Variants in DNAH3 observed in about 807,000 individuals in gnomAD.
The protein encoded by DNAH3 is axonemal beta dynein heavy chain 3.
A neutral mutation model predicts 432.5 loss-of-function variants in DNAH3; 332 were observed. That is an observed-to-expected ratio of 0.77 (90% CI 0.70 to 0.84). The LOEUF (loss-of-function observed/expected upper bound fraction) is 0.84. DNAH3 is among the 40% of genes least tolerant of loss of function. The probability of loss-of-function intolerance (pLI) is 0.00; values close to 1 mark genes in which losing one functional copy is unlikely to be tolerated. For missense variants in DNAH3, 4,861 were observed against 5,114.0 expected (o/e 0.95, Z 1.51); for synonymous variants, 1,956 against 1,900.2 (o/e 1.03, Z -0.76).
intron 1 of DNAH3, among the ~76,000 whole-genome samples, chr16:21,147,320 A>G (rs895205283): frequency 2.0e-5 from 3 of 151,870 alleles, no homozygotes; most frequent in African/African-American, 4.8e-5. Flanking sequence ...CCCAGGTTCA[A>G]GCAATCCTCC....
rs1315403111 is a variant in DNAH3 at position 20,996,810 on chromosome 16, A to G, written c.6601+473T>C. ...TATATCAGAATAGAAGTACAGATCT[A>G]TAGGACTGGGTGGATCAAGTTGCAC... On this transcript the variant is annotated intron_variant, in intron 44 of 61. Transcript: ENST00000261383. 4 of 157,840 alleles carry G rather than the reference A, an allele frequency of 2.5e-5. No individual in the cohort carries two copies. The East Asian group carries it at 7.2e-4, about 29-fold the overall frequency. The allele number at this position is 157,840 out of a possible 1,614,324, so 9.8% of individuals were successfully genotyped here. A position where few individuals can be genotyped will look rare whatever the true frequency, so the allele number is the denominator to read the frequency against.
chr16:21,001,638 A>G (rs2087024257), intron 42 of DNAH3, among the ~76,000 whole-genome samples: 1 of 152,170 alleles, frequency 6.6e-6, no homozygotes, highest in Non-Finnish European at 1.5e-5. Context: ...GTGCTTAAGT[A>G]TGGGTGTTTT....
At chr16:20,959,435 A>C (rs747031280) in intron 53 of DNAH3, 31 bp from the exon 54 acceptor site, 4 of 1,599,480 alleles carry the variant, frequency 2.5e-6, no homozygotes, top group Non-Finnish European at 3.4e-6. Context: ...GGCTTTTGAA[A>C]GACGACAGGC....
intron 19 of DNAH3, among the ~76,000 whole-genome samples, chr16:21,082,223 C>T (rs947575110): frequency 2.6e-5 from 4 of 151,864 alleles, no homozygotes; most frequent in Non-Finnish European, 4.4e-5. Flanking sequence ...CAGGGTCCTG[C>T]TTTGTTGCCC....
chr16:20,975,362 G>A, exon 51 of DNAH3: 1 of 1,614,204 alleles, frequency 6.2e-7, no homozygotes, highest in Non-Finnish European at 8.5e-7. Flanking sequence ...TTTCCTCGGA[G>A]GTGAGGATGA....
At chr16:21,049,805 G>T in intron 30 of DNAH3, 105 bp downstream of exon 30, 1 of 1,328,248 alleles carries the variant, frequency 7.5e-7, no homozygotes, top group South Asian at 1.2e-5. Context: ...TGGGGCCCAT[G>T]CTGCCTGTTA....
chr16:21,016,858 G>A (rs1404776169), intron 41 of DNAH3, among the ~76,000 whole-genome samples: 1 of 152,190 alleles, frequency 6.6e-6, no homozygotes, highest in African/African-American at 2.4e-5. Context: ...GCTACAACAT[G>A]GATGAACGCC....
At position 20,969,692 on chromosome 16, in the gene DNAH3, G is replaced by A. The variant is rs2085243231; in HGVS notation, c.8458+100C>T. On this transcript the variant is annotated intron_variant, in intron 52 of 61. Coordinates refer to ENST00000261383, the Ensembl canonical transcript of DNAH3. ...TAATTCCTCCAAACTCAGTGATCTT[G>A]CCTGCACGCCTGCAGTCGACTTGGG... 5.4e-6 allele frequency: 7 copies of A among 1,306,700 alleles called. No individual in the cohort carries two copies. The Admixed American group carries it at 6.8e-5, about 13-fold the overall frequency. The allele number at this position is 1,306,700 out of a possible 1,614,324, so 80.9% of individuals were successfully genotyped here.
At chr16:21,068,674 AT>A (rs1212928869) in intron 23 of DNAH3, among the ~76,000 whole-genome samples, 3 of 152,186 alleles carry the variant, frequency 2.0e-5, no homozygotes, top group Admixed American at 6.5e-5. Context: ...GTATTTTCTG[AT>A]TTCTAGTATA....
intron 16 of DNAH3, among the ~76,000 whole-genome samples, chr16:21,100,120 G>T (rs1244851634): frequency 6.6e-6 from 1 of 151,976 alleles, no homozygotes; most frequent in African/African-American, 2.4e-5. Flanking sequence ...CTTTCTTTCT[G>T]GAGTGCAGTG....
chr16:21,149,864 CT>C (rs1326432998), intron 1 of DNAH3, among the ~76,000 whole-genome samples: 1 of 152,178 alleles, frequency 6.6e-6, no homozygotes, highest in Non-Finnish European at 1.5e-5. Context: ...GATGAATACA[CT>C]TGTTCAGTCA....
rs1243539538 is a variant in DNAH3 at position 20,980,195 on chromosome 16, A to C, written c.7860-649T>G. 3.0e-5 allele frequency among the ~76,000 whole-genome samples: 4 copies of C among 133,460 alleles called. No homozygotes were observed. The East Asian group carries it at 8.3e-4, about 28-fold the overall frequency. The allele number at this position is 133,460 out of a possible 152,430, so 87.6% of individuals were successfully genotyped here. On this transcript the variant is annotated intron_variant, in intron 49 of 61. Coordinates refer to ENST00000261383, the Ensembl canonical transcript of DNAH3. ...AATATATATATATATATATAATTTT[A>C]TTATATATTTATTTATATTATTTAT...
At chr16:21,129,645 G>C (rs1436006135) in intron 7 of DNAH3, among the ~76,000 whole-genome samples, 1 of 151,928 alleles carries the variant, frequency 6.6e-6, no homozygotes, top group Non-Finnish European at 1.5e-5. Flanking sequence ...GCTGAGGCAG[G>C]AGAATTGTTT....
chr16:21,029,395 A>G (rs2088755852), intron 37 of DNAH3, among the ~76,000 whole-genome samples: 1 of 152,246 alleles, frequency 6.6e-6, no homozygotes, highest in African/African-American at 2.4e-5. Context: ...TGAGATGATG[A>G]TAAATTTTAT....
At chr16:20,997,210 C>T (rs1250826384) in intron 44 of DNAH3, 73 bp downstream of exon 44, 1 of 1,520,372 alleles carries the variant, frequency 6.6e-7, no homozygotes, top group African/African-American at 1.4e-5. Flanking sequence ...GCACACCAAC[C>T]CACCTTTCAT....
chr16:20,981,400 C>T (rs1175583357), intron 49 of DNAH3, among the ~76,000 whole-genome samples: 1 of 152,180 alleles, frequency 6.6e-6, no homozygotes, highest in Admixed American at 6.6e-5. Context: ...GACACTCTTA[C>T]CCCTACCTAC....
rs2092184180 is a variant in DNAH3 at position 21,115,799 on chromosome 16, A to T, written c.1814+1404T>A. On this transcript the variant is annotated intron_variant, in intron 12 of 61. Coordinates refer to ENST00000261383, the Ensembl canonical transcript of DNAH3. ...ATAAAATAAAATAACTGTGTGTCTAAGAGTCCATGAATAGGGAAAACAGAG... is the reference window on the plus strand; with the variant it reads ...ATAAAATAAAATAACTGTGTGTCTATGAGTCCATGAATAGGGAAAACAGAG... 3.3e-5 allele frequency among the ~76,000 whole-genome samples: 5 copies of T among 152,090 alleles called. No homozygotes were observed. The South Asian group carries it at 1.0e-3, about 31-fold the overall frequency.
intron 18 of DNAH3, 107 bp from the exon 19 acceptor site, chr16:21,087,167 G>GTTTTTT: frequency 1.1e-6 from 1 of 917,262 alleles, no homozygotes; most frequent in South Asian, 1.5e-5. Context: ...TTGGAGATTG[G>GTTTTTT]AACACATACA....
At chr16:21,109,711 T>C (rs192500171) in intron 14 of DNAH3, among the ~76,000 whole-genome samples, 5 of 151,816 alleles carry the variant, frequency 3.3e-5, no homozygotes, top group Non-Finnish European at 7.4e-5. Flanking sequence ...GTGATACTCC[T>C]GCCTCAACTT....
Sources: gnomAD v4.1 joint callset for allele counts (sites outside exome capture counted in the v4.1 genomes callset) on GRCh38, gnomAD v4.1.1 for gene constraint, MANE v1.5 for transcripts, NCBI Gene and HGNC (gene_info 2026-07-23, HGNC 2026-07-21) for gene names.